PKP4: variants seen among roughly 807,000 people sequenced by gnomAD.
PKP4 encodes plakophilin-4.
A neutral mutation model predicts 145.1 loss-of-function variants in PKP4; 90 were observed. The observed-to-expected ratio is 0.62, with a 90% CI of 0.52 to 0.74. PKP4 has a LOEUF of 0.74. PKP4 is among the 30% of genes least tolerant of loss of function. The pLI is 0.00. For missense variants in PKP4, 1,340 were observed against 1,482.7 expected, an observed-to-expected ratio of 0.90 and a Z score of 1.58; for synonymous variants, 563 against 577.2, an observed-to-expected ratio of 0.98 and a Z score of 0.35.
intron 1 of PKP4, among the ~76,000 whole-genome samples, chr2:158,485,706 G>A (rs1362761995): frequency 2.6e-5 from 4 of 152,076 alleles, no homozygotes; most frequent in Non-Finnish European, 4.4e-5. Context: ...TTGTAAAATG[G>A]GAGAATGATA....
chr2:158,535,233 A>T (rs2043932046), intron 2 of PKP4, among the ~76,000 whole-genome samples: 1 of 152,206 alleles, frequency 6.6e-6, no homozygotes, highest in African/African-American at 2.4e-5. Flanking sequence ...ACCCAATGGG[A>T]TAGAGCACAG....
At chr2:158,503,235 A>G (rs1026793527) in intron 1 of PKP4, among the ~76,000 whole-genome samples, 1 of 152,248 alleles carries the variant, frequency 6.6e-6, no homozygotes, top group African/African-American at 2.4e-5. Context: ...CATGTAGAAG[A>G]TATGTCAAAA....
At chr2:158,469,748 A>G (rs1260408495) in intron 1 of PKP4, among the ~76,000 whole-genome samples, 1 of 152,212 alleles carries the variant, frequency 6.6e-6, no homozygotes, top group Non-Finnish European at 1.5e-5. Context: ...ATACAGTAAC[A>G]TTCATTTTTA....
At chr2:158,610,979 G>A (rs796998297) in intron 4 of PKP4, among the ~76,000 whole-genome samples, 12 of 152,264 alleles carry the variant, frequency 7.9e-5, no homozygotes, top group African/African-American at 2.6e-4. Context: ...TGGATGTTAC[G>A]TAGGTGATAA....
chr2:158,530,207 C>T (rs993648367), intron 1 of PKP4, among the ~76,000 whole-genome samples: 2 of 152,204 alleles, frequency 1.3e-5, no homozygotes, highest in Non-Finnish European at 2.9e-5. Context: ...TCACAAATCA[C>T]CTCTTGGATA....
At chr2:158,567,660 A>G (rs1255443120) in intron 2 of PKP4, among the ~76,000 whole-genome samples, 2 of 152,180 alleles carry the variant, frequency 1.3e-5, no homozygotes. Flanking sequence ...AGCCCAGTAA[A>G]CCTTTTGTAA....
intron 3 of PKP4, 28 bp from the exon 4 acceptor site, chr2:158,603,042 T>A: frequency 7.2e-7 from 1 of 1,382,300 alleles, no homozygotes; most frequent in Non-Finnish European, 9.9e-7. Context: ...TAAATAAATG[T>A]TCCATTTTTT....
intron 2 of PKP4, among the ~76,000 whole-genome samples, chr2:158,540,424 T>C (rs2044415200): frequency 1.3e-5 from 2 of 152,182 alleles, no homozygotes; most frequent in Admixed American, 6.5e-5. Context: ...AAGCTTGCTT[T>C]TAATTAATTA....
intron 9 of PKP4, among the ~76,000 whole-genome samples, chr2:158,638,476 G>A (rs2356140): frequency 0.48 from 72,585 of 151,940 alleles, 18,370 homozygotes; most frequent in East Asian, 0.78. Flanking sequence ...TCCATATTCT[G>A]TGCTTTTTCT....
At chr2:158,616,829 G>T (rs191644121) in intron 4 of PKP4, among the ~76,000 whole-genome samples, 3 of 152,080 alleles carry the variant, frequency 2.0e-5, no homozygotes, top group Non-Finnish European at 4.4e-5. Context: ...ACCCTGTTTC[G>T]TACAGCAAGA....
At chr2:158,556,024 C>T (rs982205494) in intron 2 of PKP4, among the ~76,000 whole-genome samples, 1 of 152,026 alleles carries the variant, frequency 6.6e-6, no homozygotes, top group Non-Finnish European at 1.5e-5. Context: ...TAACAGTGAA[C>T]GATTAAAGAC....
intron 1 of PKP4, among the ~76,000 whole-genome samples, chr2:158,458,765 G>A (rs567468435): frequency 9.2e-5 from 14 of 152,214 alleles, no homozygotes; most frequent in African/African-American, 3.4e-4. Flanking sequence ...TAGAAACAGA[G>A]AAGCACTGTT....
chr2:158,558,735 G>A (rs1006659604), intron 2 of PKP4, among the ~76,000 whole-genome samples: 13 of 152,154 alleles, frequency 8.5e-5, no homozygotes, highest in African/African-American at 2.9e-4. Flanking sequence ...GTGCTGTCAA[G>A]AGAGTGATGC....
Position 158,577,387 on chromosome 2 carries a change from C to G in PKP4, c.245+4C>G. On this transcript the variant is annotated splice_donor_region_variant and intron_variant, in intron 3 of 21. Coordinates refer to ENST00000389759, the MANE Select transcript of PKP4 (RefSeq NM_003628.6). Reference sequence around the variant, plus strand: ...CACCAAGCATCGCCAGCACCAGGTACAGGGCCAATGGCTCCATCTTTATGC... The same window carrying G: ...CACCAAGCATCGCCAGCACCAGGTAGAGGGCCAATGGCTCCATCTTTATGC... 2 of 1,578,698 alleles carry G rather than the reference C, an allele frequency of 1.3e-6. No homozygotes were observed. The highest frequency in any genetic ancestry group is 1.7e-6 in the Non-Finnish European group (2 of 1,149,110).
chr2:158,508,770 T>C (rs1247495267), intron 1 of PKP4, among the ~76,000 whole-genome samples: 1 of 152,222 alleles, frequency 6.6e-6, no homozygotes, highest in Non-Finnish European at 1.5e-5. Flanking sequence ...ATGGTACTGT[T>C]GACACAGGCT....
intron 1 of PKP4, among the ~76,000 whole-genome samples, chr2:158,475,133 G>T (rs1692252381): frequency 6.6e-6 from 1 of 152,128 alleles, no homozygotes; most frequent in Non-Finnish European, 1.5e-5. Flanking sequence ...TGTCACCAGG[G>T]TAAGATCTCT....
At chr2:158,617,246 C>G (rs953689391) in intron 4 of PKP4, among the ~76,000 whole-genome samples, 2 of 152,138 alleles carry the variant, frequency 1.3e-5, no homozygotes, top group African/African-American at 4.8e-5. Flanking sequence ...TTTAGACATA[C>G]ATTTTCGAAG....
intron 2 of PKP4, among the ~76,000 whole-genome samples, chr2:158,552,104 A>G (rs75903985): frequency 0.029 from 4,424 of 152,284 alleles, 139 homozygotes; most frequent in East Asian, 0.14. Flanking sequence ...GTATCTGTCT[A>G]TGAGAGAGGC....
Position 158,662,972 on chromosome 2 carries a change from C to T in PKP4, c.2287C>T (p.Leu763=), listed in dbSNP as rs1467806118. 3 of 1,613,826 alleles carry T rather than the reference C, an allele frequency of 1.9e-6. No individual in the cohort carries two copies. The highest frequency in any genetic ancestry group is 1.3e-5 in the African/African-American group (1 of 74,894). ...GCTGGAGGTGCCCCAGGCCCGGTTA[C>T]TGGGACTGAACGAATTGGATGACTT... The part of the protein sequence containing the change: ...LELEVPQARL[L]GLNELDDLLG... Residue 763 remains leucine (L), a synonymous_variant, in exon 14 of 22, where the codon CTG becomes TTG. Coordinates refer to ENST00000389759, the MANE Select transcript of PKP4 (RefSeq NM_003628.6).
Sources: gnomAD v4.1 joint callset for allele counts (sites outside exome capture counted in the v4.1 genomes callset) on GRCh38, gnomAD v4.1.1 for gene constraint, MANE v1.5 for transcripts, NCBI Gene and HGNC (gene_info 2026-07-23, HGNC 2026-07-21) for gene names.